Variants in FAM117B observed in about 807,000 individuals in gnomAD.
FAM117B encodes family with sequence similarity 117 member B, also known as protein FAM117B.
FAM117B carries 22 observed loss-of-function variants against 52.8 expected under a neutral mutation model. That is an observed-to-expected ratio of 0.42 (90% CI 0.30 to 0.59). The LOEUF (loss-of-function observed/expected upper bound fraction) is 0.59. Ranked by LOEUF, FAM117B falls within the 20% of genes least tolerant of loss-of-function variation. The probability of loss-of-function intolerance (pLI) is 0.22; values close to 1 mark genes in which losing one functional copy is unlikely to be tolerated. For synonymous variants in FAM117B, 309 were observed against 324.1 expected, an observed-to-expected ratio of 0.95 and a Z score of 0.50; for missense variants, 678 against 802.6, an observed-to-expected ratio of 0.84 and a Z score of 1.88.
In FAM117B at chr2:202,768,785, A is replaced by G. The variant is rs915632638; in HGVS notation, c.*3021A>G. On this transcript the variant is annotated 3_prime_UTR_variant, in exon 8 of 8. Coordinates refer to ENST00000392238, the MANE Select transcript of FAM117B (RefSeq NM_173511.4). ...ATGGGAATATAATTTAAATTTTTTT[A>G]ATTTTATAAAAATTTATTTCCATTG... 2 of 152,210 alleles carry G rather than the reference A, an allele frequency of 1.3e-5. No homozygotes were observed. Among genetic ancestry groups the G allele is most frequent in the African/African-American group, 4.8e-5 (2 of 41,444 alleles). The allele number at this position is 152,210 out of a possible 1,614,324, so 9.4% of individuals were successfully genotyped here. A position where few individuals can be genotyped will look rare whatever the true frequency, so the allele number is the denominator to read the frequency against.
At chr2:202,666,837 G>A (rs1690211692) in intron 1 of FAM117B, among the ~76,000 whole-genome samples, 2 of 151,558 alleles carry the variant, frequency 1.3e-5, no homozygotes, top group Admixed American at 1.3e-4. Context: ...AGTAGAGATA[G>A]GGTTTCACCG....
intron 2 of FAM117B, among the ~76,000 whole-genome samples, chr2:202,720,343 G>A (rs1027439219): frequency 6.6e-6 from 1 of 151,658 alleles, no homozygotes; most frequent in Non-Finnish European, 1.5e-5. Context: ...AAAAAAATCA[G>A]AATACTACAG....
chr2:202,717,909 T>TG (rs1691083392), intron 2 of FAM117B, among the ~76,000 whole-genome samples: 1 of 152,016 alleles, frequency 6.6e-6, no homozygotes, highest in African/African-American at 2.4e-5. Flanking sequence ...CCCCAGGCCC[T>TG]GGGCAGGTCC....
chr2:202,740,328 TCAGGCTGGGCAA>T (rs1168634671), intron 4 of FAM117B, among the ~76,000 whole-genome samples: 1 of 137,340 alleles, frequency 7.3e-6, no homozygotes, highest in Non-Finnish European at 1.5e-5. Flanking sequence ...CTACAGCACT[TCAGGCTGGGCAA>T]CAGAACGAGA....
Position 202,635,715 on chromosome 2 carries a change from T to A in FAM117B, c.528T>A (p.His176Gln). The change falls in exon 1 of 8, where the codon CAT becomes CAA. Residue 176 changes from histidine to glutamine, a missense_variant. Physicochemically the swap from His to Gln is conservative, Grantham distance 24 (BLOSUM62 0). This residue lies in a region of FAM117B where 583 missense variants were observed against 644.8 expected (regional missense o/e 0.90). Transcript: ENST00000392238. ...SAAPPPARVR[H>Q]RRRSPEQSRS... ...CCCCACCCCCAGCCCGCGTCCGGCATCGGAGGAGGTCTCCGGAGCAGAGCC... is the reference window on the plus strand; with the variant it reads ...CCCCACCCCCAGCCCGCGTCCGGCAACGGAGGAGGTCTCCGGAGCAGAGCC... The A allele has an allele frequency of 7.0e-6, 10 of 1,436,716 alleles. No individual in the cohort carries two copies. Among genetic ancestry groups the A allele is most frequent in the South Asian group, 1.3e-5 (1 of 74,104 alleles). 89.0% of individuals were successfully genotyped at this position (1,436,716 alleles called of 1,614,324 possible).
intron 1 of FAM117B, among the ~76,000 whole-genome samples, chr2:202,657,966 CT>C (rs1690077084): frequency 6.6e-6 from 1 of 152,102 alleles, no homozygotes. Context: ...AGAGTTAATA[CT>C]TTACTGCTTC....
chr2:202,718,252 A>G (rs1314472435), intron 2 of FAM117B, among the ~76,000 whole-genome samples: 1 of 152,194 alleles, frequency 6.6e-6, no homozygotes, highest in Non-Finnish European at 1.5e-5. Context: ...CGAGAACCCC[A>G]ACAGTCTGCT....
Position 202,755,675 on chromosome 2 carries a change from A to G in FAM117B, c.1098A>G (p.Gln366=). Residue 366 remains glutamine, a synonymous_variant, in exon 5 of 8, where the codon CAA becomes CAG. Transcript: ENST00000392238. ...AAGAGACTGGGGAAAAGGAAGAGCA[A>G]CTTATAGTAAGTGATCTTGTATCTT... ...IIKETGEKEE[Q]LIPQDIPDGH... 1 of 1,612,616 alleles carries G rather than the reference A, an allele frequency of 6.2e-7. No individual in the cohort carries two copies. The highest frequency in any genetic ancestry group is 8.5e-7 in the Non-Finnish European group (1 of 1,179,156).
intron 3 of FAM117B, 41 bp from the exon 4 acceptor site, chr2:202,726,209 T>C (rs1041980878): frequency 7.1e-7 from 1 of 1,399,680 alleles, no homozygotes; most frequent in Non-Finnish European, 1.0e-6. Context: ...TTGTTTCATG[T>C]AGAAAACACT....
intron 5 of FAM117B, among the ~76,000 whole-genome samples, 178 bp from the exon 6 acceptor site, chr2:202,757,035 G>T (rs1158209383): frequency 1.3e-5 from 2 of 152,118 alleles, no homozygotes; most frequent in South Asian, 2.1e-4. Flanking sequence ...AAGACTCTCA[G>T]TGTGGGGGTC....
chr2:202,740,169 T>TCC (rs1553523190), intron 4 of FAM117B, among the ~76,000 whole-genome samples: 1 of 7,412 alleles, frequency 1.3e-4, no homozygotes, highest in African/African-American at 4.8e-4. Context: ...CGAGACTTCA[T>TCC]CCCCCAAAAA....
chr2:202,758,496 T>A (rs1691837225), intron 6 of FAM117B, among the ~76,000 whole-genome samples: 5 of 152,208 alleles, frequency 3.3e-5, no homozygotes. Context: ...CTCTGTGAAT[T>A]TCTTTTGTAG....
rs545176469 is a variant in FAM117B at position 202,656,274 on chromosome 2, C to T, written c.601+20486C>T. 4.6e-5 allele frequency among the ~76,000 whole-genome samples: 7 copies of T among 152,172 alleles called. No homozygotes were observed. The East Asian group carries it at 1.2e-3, about 25-fold the overall frequency. ...CTACTTGCTTTTGGTTTAGTTTGCTCATTTTCTGGTTTCTCAGATGGAAGC... is the reference window on the plus strand; with the variant it reads ...CTACTTGCTTTTGGTTTAGTTTGCTTATTTTCTGGTTTCTCAGATGGAAGC... On this transcript the variant is annotated intron_variant, in intron 1 of 7. Coordinates refer to ENST00000392238, the MANE Select transcript of FAM117B (RefSeq NM_173511.4).
intron 1 of FAM117B, among the ~76,000 whole-genome samples, chr2:202,693,621 T>C (rs1690666480): frequency 6.6e-6 from 1 of 152,164 alleles, no homozygotes; most frequent in South Asian, 2.1e-4. Flanking sequence ...CAAACACTTT[T>C]ATGCACATCT....
At chr2:202,699,449 GA>G (rs59522030) in intron 2 of FAM117B, among the ~76,000 whole-genome samples, 20,308 of 98,948 alleles carry the variant, frequency 0.21, 1,476 homozygotes, top group African/African-American at 0.29. Context: ...AAAAAAAAAA[GA>G]AAAAAAAAAA....
At chr2:202,695,700 T>C (rs1690699552) in intron 1 of FAM117B, among the ~76,000 whole-genome samples, 181 bp from the exon 2 acceptor site, 1 of 152,192 alleles carries the variant, frequency 6.6e-6, no homozygotes, top group South Asian at 2.1e-4. Context: ...AAACAGTGTA[T>C]ATAGAATTGA....
chr2:202,646,212 TGTTGGCCAG>T lies in FAM117B; in HGVS notation c.601+10426_601+10434del, dbSNP rs970247349. ...TGGCTAATTTTGGTGGGTTTCACCA[TGTTGGCCAG>T]GCTGGTCTTGAACTCCTGACCTCAA... On this transcript the variant is annotated intron_variant, in intron 1 of 7. Coordinates refer to ENST00000392238, the MANE Select transcript of FAM117B (RefSeq NM_173511.4). 3.9e-4 allele frequency among the ~76,000 whole-genome samples: 58 copies of T among 147,914 alleles called. 1 individual carries two copies. Among genetic ancestry groups the T allele is most frequent in the African/African-American group, 1.4e-3 (56 of 40,082 alleles).
At chr2:202,764,552 GAACC>G (rs1691947641) in intron 7 of FAM117B, among the ~76,000 whole-genome samples, 1 of 152,140 alleles carries the variant, frequency 6.6e-6, no homozygotes, top group Non-Finnish European at 1.5e-5. Flanking sequence ...TTACAGGTGT[GAACC>G]ACCATGGCTG....
intron 2 of FAM117B, among the ~76,000 whole-genome samples, chr2:202,724,045 G>A (rs1691195847): frequency 2.5e-5 from 3 of 119,186 alleles, no homozygotes; most frequent in Non-Finnish European, 5.1e-5. Flanking sequence ...ACTACTTAAG[G>A]TTTAACTTTT....
Sources: allele counts gnomAD v4.1 joint callset (sites outside exome capture counted in the v4.1 genomes callset), GRCh38; gene constraint gnomAD v4.1.1; regional missense constraint gnomAD v4.1.1; transcripts MANE v1.5; gene names NCBI Gene and HGNC (gene_info 2026-07-23, HGNC 2026-07-21).